Variants in TFEC observed in about 807,000 individuals in gnomAD.
The protein encoded by TFEC is transcription factor EC, also known as class E basic helix-loop-helix protein 34.
Under a neutral mutation model 41.6 loss-of-function variants are expected in TFEC, and 31 were observed. That is an observed-to-expected ratio of 0.74 (90% CI 0.56 to 1.01). The LOEUF is 1.01. TFEC is among the 50% of genes least tolerant of loss of function. TFEC has a pLI of 0.00. For missense variants in TFEC, 402 were observed against 404.1 expected (o/e 0.99, Z 0.04); for synonymous variants, 143 against 140.6 (o/e 1.02, Z -0.12).
At position 116,090,594 on chromosome 7, in the gene TFEC, A is replaced by C. The variant is rs185923093; in HGVS notation, c.198+20114T>G. On this transcript the variant is annotated intron_variant, in intron 3 of 8. Coordinates refer to the TFEC transcript ENST00000484212. ...CACAGACTGGCAACTGCTCTCCAAA[A>C]TGAGGTCCCGTCACTTAGGTGAAAG... 3.4e-3 allele frequency among the ~76,000 whole-genome samples: 518 copies of C among 152,226 alleles called. 3 individuals are homozygous for C. The highest frequency in any genetic ancestry group is 6.2e-3 in the Non-Finnish European group (425 of 68,024).
At chr7:116,092,167 T>C (rs1049507086) in intron 3 of TFEC, among the ~76,000 whole-genome samples, 1 of 152,216 alleles carries the variant, frequency 6.6e-6, no homozygotes, top group East Asian at 1.9e-4. Flanking sequence ...GATCAGATCT[T>C]ATCCCAGTGT....
At chr7:116,042,863 A>C (rs1796073503) in intron 3 of TFEC, among the ~76,000 whole-genome samples, 1 of 152,156 alleles carries the variant, frequency 6.6e-6, no homozygotes, top group Non-Finnish European at 1.5e-5. Flanking sequence ...GCATATTTGG[A>C]CTTCTGTTAA....
At chr7:116,026,250 G>A (rs922702686) in intron 1 of TFEC, among the ~76,000 whole-genome samples, 35 of 152,148 alleles carry the variant, frequency 2.3e-4, no homozygotes, top group African/African-American at 8.2e-4. Flanking sequence ...CTAGTCTTTC[G>A]ATCCACTGGA....
At chr7:115,984,105 C>T (rs769594588) in intron 2 of TFEC, among the ~76,000 whole-genome samples, 157 bp downstream of exon 2, 12 of 151,810 alleles carry the variant, frequency 7.9e-5, no homozygotes, top group Non-Finnish European at 1.5e-4. Context: ...AATTTATATG[C>T]ATATAGTTAA....
At chr7:116,098,867 A>AAAGGAAGGAAGGAAGGAAGG (rs59276209) in intron 3 of TFEC, among the ~76,000 whole-genome samples, 104 of 115,110 alleles carry the variant, frequency 9.0e-4, no homozygotes, top group Middle Eastern at 4.1e-3. Flanking sequence ...GAGAGGAAGA[A>AAAGGAAGGAAGGAAGGAAGG]AAGGAAGGAA....
chr7:116,142,067 C>T (rs967537349), intron 1 of TFEC, among the ~76,000 whole-genome samples: 1 of 152,118 alleles, frequency 6.6e-6, no homozygotes, highest in Non-Finnish European at 1.5e-5. Flanking sequence ...GAACACTGTG[C>T]CTTACTGTGA....
chr7:116,034,578 T>G (rs977540418), upstream of TFEC, among the ~76,000 whole-genome samples: 27 of 151,904 alleles, frequency 1.8e-4, no homozygotes, highest in African/African-American at 6.5e-4. Flanking sequence ...CCATTGCTAT[T>G]ATCTGAGTCA....
chr7:115,978,430 C>G (rs1464051239), intron 2 of TFEC, among the ~76,000 whole-genome samples: 1 of 152,154 alleles, frequency 6.6e-6, no homozygotes, highest in Non-Finnish European at 1.5e-5. Flanking sequence ...GCACATAAAC[C>G]TAAAAATCTT....
At chr7:116,136,164 A>G (rs1320735832) in intron 1 of TFEC, among the ~76,000 whole-genome samples, 1 of 152,050 alleles carries the variant, frequency 6.6e-6, no homozygotes, top group East Asian at 1.9e-4. Context: ...CCATGCATTT[A>G]ATTTACTCAG....
chr7:115,947,731 T>C (rs994370408), intron 6 of TFEC, among the ~76,000 whole-genome samples: 4 of 149,952 alleles, frequency 2.7e-5, no homozygotes, highest in African/African-American at 9.8e-5. Context: ...TTGAGAAGTG[T>C]CTGTTCATGT....
At chr7:115,963,200 T>G (rs1418815459) in intron 3 of TFEC, among the ~76,000 whole-genome samples, 1 of 151,810 alleles carries the variant, frequency 6.6e-6, no homozygotes, top group African/African-American at 2.4e-5. Context: ...AATTAAGATA[T>G]ATACAAATGG....
At chr7:116,000,786 G>A (rs1293836800) in intron 1 of TFEC, among the ~76,000 whole-genome samples, 2 of 152,028 alleles carry the variant, frequency 1.3e-5, no homozygotes, top group African/African-American at 4.8e-5. Context: ...AAACATTAAT[G>A]CAAGAAATTG....
Position 115,946,205 on chromosome 7 carries a change from T to C in TFEC, c.516-4165A>G, listed in dbSNP as rs569761156. 3.3e-5 allele frequency among the ~76,000 whole-genome samples: 5 copies of C among 151,244 alleles called. No individual in the cohort carries two copies. In the South Asian group the frequency reaches 1.1e-3, roughly 33 times the overall value. ...AACAGAGTCACATGTTTAGAGACTT[T>C]AAAAGATTTGAAGAGTTTGGAGTAG... On this transcript the variant is annotated intron_variant, in intron 6 of 7. Transcript: ENST00000265440.
At chr7:115,999,344 T>C (rs1486494790) in intron 1 of TFEC, among the ~76,000 whole-genome samples, 5 of 151,880 alleles carry the variant, frequency 3.3e-5, no homozygotes, top group South Asian at 4.2e-4. Context: ...GTAAAAGCAG[T>C]ACTAAGAGGA....
chr7:116,028,623 T>G (rs1331858265), intron 1 of TFEC, among the ~76,000 whole-genome samples: 1 of 152,238 alleles, frequency 6.6e-6, no homozygotes, highest in African/African-American at 2.4e-5. Context: ...TTTCTGGATC[T>G]GCTATCACTC....
At chr7:116,064,890 G>C (rs2131002451) in intron 3 of TFEC, among the ~76,000 whole-genome samples, 1 of 152,278 alleles carries the variant, frequency 6.6e-6, no homozygotes, top group Non-Finnish European at 1.5e-5. Flanking sequence ...TTCATACTGA[G>C]AGATTCGCTG....
Position 116,077,199 on chromosome 7 carries a change from TAC to T in TFEC, c.198+33507_198+33508del, listed in dbSNP as rs554784872. ...CTAAGCTTCGTAAATGAAGGAAAGA[TAC>T]AGTCTTTTCCAGACAAACAAATGCT... On this transcript the variant is annotated intron_variant, in intron 3 of 8. Coordinates refer to the TFEC transcript ENST00000484212. Among the ~76,000 whole-genome samples the T allele has an allele frequency of 3.9e-3, 600 of 152,258 alleles. 2 individuals are homozygous for T. The highest frequency in any genetic ancestry group is 5.4e-3 in the Non-Finnish European group (367 of 67,994).
At chr7:116,051,804 T>C (rs560494452) in intron 3 of TFEC, among the ~76,000 whole-genome samples, 1 of 152,210 alleles carries the variant, frequency 6.6e-6, no homozygotes, top group South Asian at 2.1e-4. Flanking sequence ...GCACTATTGA[T>C]TTAATTTTCC....
At chr7:115,991,478 C>G in intron 1 of TFEC, among the ~76,000 whole-genome samples, 1 of 152,038 alleles carries the variant, frequency 6.6e-6, no homozygotes, top group East Asian at 1.9e-4. Context: ...ATTCAGGAGA[C>G]CCATCTCATG....
Sources: allele counts gnomAD v4.1 joint callset (sites outside exome capture counted in the v4.1 genomes callset), GRCh38; gene constraint gnomAD v4.1.1; transcripts MANE v1.5; gene names NCBI Gene and HGNC (gene_info 2026-07-23, HGNC 2026-07-21).